Variants in ARB2A observed in about 807,000 individuals in gnomAD.
ARB2A encodes cotranscriptional regulator ARB2A.
the ARB2A span, among the ~76,000 whole-genome samples, chr5:93,971,706 C>T: frequency 2.6e-3 from 390 of 151,966 alleles, 2 homozygotes; most frequent in Non-Finnish European, 4.7e-3. Context: ...ATCCCCAAAC[C>T]ATTTATTTTG....
the ARB2A span, among the ~76,000 whole-genome samples, chr5:93,751,837 TGA>T: frequency 5.3e-5 from 8 of 152,096 alleles, no homozygotes; most frequent in Non-Finnish European, 8.8e-5. Flanking sequence ...CAGAGCAGGC[TGA>T]GAGGGTTTAC....
chr5:93,839,763 T>C, the ARB2A span, among the ~76,000 whole-genome samples: 1 of 152,112 alleles, frequency 6.6e-6, no homozygotes, highest in African/African-American at 2.4e-5. Flanking sequence ...GGAGGTTGTA[T>C]ATGTCCAGGA....
the ARB2A span, among the ~76,000 whole-genome samples, chr5:93,813,307 A>C: frequency 6.6e-6 from 1 of 152,188 alleles, no homozygotes; most frequent in Admixed American, 6.5e-5. Flanking sequence ...GTTTTCTAGA[A>C]GGTAGAACTT....
the ARB2A span, among the ~76,000 whole-genome samples, chr5:93,967,696 G>C: frequency 1.3e-5 from 2 of 152,072 alleles, no homozygotes; most frequent in African/African-American, 4.8e-5. Flanking sequence ...TGCAGGGGAA[G>C]GGGAAAAGTA....
At chr5:93,825,311 T>C in the ARB2A span, among the ~76,000 whole-genome samples, 2 of 6,126 alleles carry the variant, frequency 3.3e-4, no homozygotes, top group Non-Finnish European at 7.5e-4. Flanking sequence ...ACAAACAAGA[T>C]AATTTTTTTT....
At chr5:93,818,442 A>AT in the ARB2A span, among the ~76,000 whole-genome samples, 1 of 152,228 alleles carries the variant, frequency 6.6e-6, no homozygotes, top group Non-Finnish European at 1.5e-5. Context: ...AATCTCCATT[A>AT]TATCTTGATA....
At chr5:93,655,248 TTATCTC>T in the ARB2A span, among the ~76,000 whole-genome samples, 2 of 152,240 alleles carry the variant, frequency 1.3e-5, no homozygotes, top group Non-Finnish European at 2.9e-5. Context: ...ATTCTCTAGA[TTATCTC>T]TAAGAGCTTG....
the ARB2A span, among the ~76,000 whole-genome samples, chr5:93,791,488 T>C: frequency 1.3e-5 from 2 of 152,064 alleles, no homozygotes; most frequent in African/African-American, 4.8e-5. Flanking sequence ...TTTCAAAAGG[T>C]TTCTAAGTTC....
chr5:94,110,820 A>G, the ARB2A span, among the ~76,000 whole-genome samples: 1 of 152,154 alleles, frequency 6.6e-6, no homozygotes, highest in East Asian at 1.9e-4. Context: ...TTTTTTGAGG[A>G]TTTGGGAGAA....
chr5:93,628,028 T>C, the ARB2A span, among the ~76,000 whole-genome samples: 1 of 150,442 alleles, frequency 6.6e-6, no homozygotes, highest in Non-Finnish European at 1.5e-5. Flanking sequence ...ACTCATAGAG[T>C]GCAGGCACAG....
At chr5:93,741,445 G>A in the ARB2A span, 5 of 1,613,402 alleles carry the variant, frequency 3.1e-6, no homozygotes, top group South Asian at 5.5e-5. Flanking sequence ...CCTGCCAGGG[G>A]CCGCCTGGGT....
At chr5:93,838,712 ATTTC>A in the ARB2A span, among the ~76,000 whole-genome samples, 2 of 151,924 alleles carry the variant, frequency 1.3e-5, no homozygotes, top group Non-Finnish European at 2.9e-5. Context: ...GTCATCTTTG[ATTTC>A]TTTGAGCAGT....
chr5:93,620,541 G>T, the ARB2A span: 1 of 154,384 alleles, frequency 6.5e-6, no homozygotes, highest in Non-Finnish European at 1.4e-5. Flanking sequence ...ATGGAAATCT[G>T]AAGTCTGGAA....
the ARB2A span, among the ~76,000 whole-genome samples, chr5:93,985,460 G>A: frequency 4.7e-5 from 7 of 149,548 alleles, 1 homozygote; most frequent in East Asian, 2.0e-4. Flanking sequence ...CGCTTTCCAC[G>A]GTCTCCCTCT....
the ARB2A span, among the ~76,000 whole-genome samples, chr5:93,768,514 T>C: frequency 3.3e-5 from 5 of 150,294 alleles, no homozygotes; most frequent in Admixed American, 2.7e-4. Context: ...ATAGTGTATA[T>C]ACATACATAT....
chr5:94,041,745 A>G, the ARB2A span, among the ~76,000 whole-genome samples: 1 of 152,218 alleles, frequency 6.6e-6, no homozygotes, highest in Non-Finnish European at 1.5e-5. Flanking sequence ...TTCTTTGACT[A>G]TTAAAAACTG....
At chr5:94,026,844 A>G in the ARB2A span, among the ~76,000 whole-genome samples, 2 of 152,358 alleles carry the variant, frequency 1.3e-5, no homozygotes, top group South Asian at 2.1e-4. Context: ...TGTTATCAAT[A>G]GCCCAGCCAA....
the ARB2A span, among the ~76,000 whole-genome samples, chr5:93,762,225 A>G: frequency 1.3e-5 from 2 of 152,358 alleles, no homozygotes; most frequent in African/African-American, 2.4e-5. Flanking sequence ...AGTTGAGAGA[A>G]GAAGGCTTCA....
the ARB2A span, among the ~76,000 whole-genome samples, chr5:94,107,792 T>C: frequency 5.0e-4 from 76 of 152,198 alleles, 1 homozygote; most frequent in Non-Finnish European, 2.5e-4. Flanking sequence ...TTGAGCTGTA[T>C]GGACTAACAT....
Sources: allele counts gnomAD v4.1 joint callset (sites outside exome capture counted in the v4.1 genomes callset), GRCh38; gene constraint gnomAD v4.1.1; transcripts MANE v1.5; gene names NCBI Gene and HGNC (gene_info 2026-07-23, HGNC 2026-07-21).